The following LDAH variants were observed in gnomAD, a reference collection of about 807,000 sequenced individuals.
LDAH encodes the protein lipid droplet-associated hydrolase.
Under a neutral mutation model 29.6 loss-of-function variants are expected in LDAH, and 26 were observed. The observed-to-expected ratio is 0.88, with a 90% CI of 0.64 to 1.22. The LOEUF (loss-of-function observed/expected upper bound fraction) is 1.22, where lower values mean the gene tolerates loss of function less well. LDAH is among the 50% of genes most tolerant of loss of function. LDAH has a pLI of 0.00. For synonymous variants in LDAH, 117 were observed against 133.0 expected (o/e 0.88, Z 0.83); for missense variants, 344 against 387.3 (o/e 0.89, Z 0.94).
chr2:20,710,103 A>G (rs1276591167), intron 5 of LDAH, among the ~76,000 whole-genome samples: 1 of 152,212 alleles, frequency 6.6e-6, no homozygotes, highest in Admixed American at 6.5e-5. Flanking sequence ...TGAAGCCAAT[A>G]AAATAATCAA....
At chr2:20,769,685 G>A (rs920809132) in intron 4 of LDAH, among the ~76,000 whole-genome samples, 11 of 152,114 alleles carry the variant, frequency 7.2e-5, no homozygotes, top group African/African-American at 2.4e-4. Flanking sequence ...ATAGTTGTAT[G>A]TTGAGTCTCT....
At chr2:20,738,934 C>G (rs772526385) in intron 5 of LDAH, among the ~76,000 whole-genome samples, 9 of 152,164 alleles carry the variant, frequency 5.9e-5, no homozygotes, top group African/African-American at 9.7e-5. Flanking sequence ...CTTAATACAG[C>G]TGAGCATGGA....
At position 20,738,548 on chromosome 2, in the gene LDAH, AG is replaced by A. The variant is rs552578427; in HGVS notation, c.703+1422del. ...GCGCGAGATCCAAGAACCCTCTCTTAGGGTCTGGATCGGGACCCCTTTCCTT... is the reference window on the plus strand; with the variant it reads ...GCGCGAGATCCAAGAACCCTCTCTTAGGTCTGGATCGGGACCCCTTTCCTT... On this transcript the variant is annotated intron_variant, in intron 5 of 6. Coordinates refer to ENST00000237822, the MANE Select transcript of LDAH (RefSeq NM_021925.4). Among the ~76,000 whole-genome samples the A allele has an allele frequency of 2.0e-4, 30 of 152,190 alleles. No homozygotes were observed. In the South Asian group the frequency reaches 5.8e-3, roughly 29 times the overall value.
intron 3 of LDAH, among the ~76,000 whole-genome samples, chr2:20,780,729 T>C (rs960596564): frequency 3.3e-5 from 5 of 152,338 alleles, no homozygotes; most frequent in African/African-American, 1.2e-4. Context: ...CTGTCTGCCC[T>C]GGGACTCTTA....
intron 5 of LDAH, among the ~76,000 whole-genome samples, chr2:20,708,224 C>A (rs1319501316): frequency 6.6e-6 from 1 of 152,160 alleles, no homozygotes; most frequent in Non-Finnish European, 1.5e-5. Flanking sequence ...GTGTCTTCCA[C>A]AAAACCGGTC....
At chr2:20,688,481 A>G (rs1329185929) in intron 6 of LDAH, among the ~76,000 whole-genome samples, 15 of 152,188 alleles carry the variant, frequency 9.9e-5, no homozygotes, top group Admixed American at 9.8e-4. Flanking sequence ...GTGAAGTGAC[A>G]TGCTGAGGTC....
At chr2:20,743,447 T>C (rs770410080) in intron 4 of LDAH, among the ~76,000 whole-genome samples, 33 of 152,226 alleles carry the variant, frequency 2.2e-4, no homozygotes, top group Non-Finnish European at 4.7e-4. Flanking sequence ...TATACCACTT[T>C]ATAAGTAGTG....
In LDAH at chr2:20,739,992, T is replaced by C; in HGVS notation, c.682A>G (p.Ile228Val). 1 of 1,613,528 alleles carries C rather than the reference T, an allele frequency of 6.2e-7. No homozygotes were observed. Among genetic ancestry groups the C allele is most frequent in the Non-Finnish European group, 8.5e-7 (1 of 1,179,524 alleles). Residue 228 changes from isoleucine (I) to valine (V), a missense_variant, in exon 5 of 7, where the codon ATA (isoleucine) becomes GTA (valine). Transcript: ENST00000237822. ...TTACCAAGGCAGAATGGTTCTAATA[T>C]ATTCAATGGTGAAAATTCATTCTCT... ...NLENEFSPLNILEPFCLANAA... is the reference protein window; with the variant it reads ...NLENEFSPLNVLEPFCLANAA...
intron 4 of LDAH, among the ~76,000 whole-genome samples, chr2:20,743,248 A>C (rs1446696125): frequency 6.6e-6 from 1 of 152,088 alleles, no homozygotes; most frequent in Admixed American, 6.5e-5. Context: ...ACTTAAAAAA[A>C]AAAAATTCTT....
intron 2 of LDAH, among the ~76,000 whole-genome samples, chr2:20,792,834 AGGTGCAGCAAACCACCAT>A (rs1671065865): frequency 6.6e-6 from 1 of 152,190 alleles, no homozygotes. Context: ...ATGGGTTGAC[AGGTGCAGCAAACCACCAT>A]GGCACATGTA....
chr2:20,760,725 A>G (rs1668626011), intron 4 of LDAH, among the ~76,000 whole-genome samples: 1 of 152,214 alleles, frequency 6.6e-6, no homozygotes, highest in East Asian at 1.9e-4. Flanking sequence ...TTTGCTTTTA[A>G]AGCCAGCATG....
intron 5 of LDAH, among the ~76,000 whole-genome samples, chr2:20,724,811 GC>G (rs1231308917): frequency 6.6e-6 from 1 of 152,228 alleles, no homozygotes; most frequent in Admixed American, 6.5e-5. Context: ...AAGGTGGCAA[GC>G]CAAGTTGTGC....
chr2:20,798,531 G>C (rs192430336), intron 2 of LDAH, among the ~76,000 whole-genome samples: 1 of 150,244 alleles, frequency 6.7e-6, no homozygotes, highest in African/African-American at 2.4e-5. Flanking sequence ...AAATGCATGC[G>C]CAATTCCCTA....
At chr2:20,762,492 C>G (rs1007184137) in intron 4 of LDAH, among the ~76,000 whole-genome samples, 6 of 152,126 alleles carry the variant, frequency 3.9e-5, no homozygotes, top group African/African-American at 1.2e-4. Context: ...CACACATACA[C>G]AACACAACTT....
chr2:20,748,571 C>T (rs567390783), intron 4 of LDAH, among the ~76,000 whole-genome samples: 1 of 152,306 alleles, frequency 6.6e-6, no homozygotes, highest in Non-Finnish European at 1.5e-5. Context: ...ACTGACAGCT[C>T]ATTCAGAAAA....
intron 4 of LDAH, among the ~76,000 whole-genome samples, chr2:20,751,722 C>T (rs999575389): frequency 9.2e-5 from 14 of 152,122 alleles, no homozygotes; most frequent in East Asian, 3.8e-4. Flanking sequence ...TTAGGTAAAG[C>T]CTCTAACATG....
In LDAH at chr2:20,814,009, A is replaced by G. The variant is rs575430358; in HGVS notation, c.-3+9028T>C. ...TATTGTTTCCCAGATGTCTATTTTA[A>G]TTTTTATTAGTCTCTACTTCTAAAC... On this transcript the variant is annotated intron_variant, in intron 1 of 6. Transcript: ENST00000237822. 2.0e-5 allele frequency among the ~76,000 whole-genome samples: 3 copies of G among 152,102 alleles called. No individual in the cohort carries two copies. The South Asian group carries it at 6.2e-4, about 32-fold the overall frequency.
At chr2:20,802,898 G>A (rs886312960) in intron 1 of LDAH, among the ~76,000 whole-genome samples, 13 of 152,086 alleles carry the variant, frequency 8.5e-5, no homozygotes, top group African/African-American at 2.9e-4. Flanking sequence ...ATGACATGAT[G>A]CTAAGCTCTG....
At chr2:20,788,970 C>A (rs1670749126) in intron 3 of LDAH, 1 of 647,980 alleles carries the variant, frequency 1.5e-6, no homozygotes, top group Admixed American at 3.1e-5. Context: ...CATTTAGAAA[C>A]CTTCCAGCAT....
Sources: allele counts gnomAD v4.1 joint callset (sites outside exome capture counted in the v4.1 genomes callset), GRCh38; gene constraint gnomAD v4.1.1; transcripts MANE v1.5; gene names NCBI Gene and HGNC (gene_info 2026-07-23, HGNC 2026-07-21).